The following DDX27 variants were observed in gnomAD, a reference collection of about 807,000 sequenced individuals.
DDX27 encodes the protein DEAD-box helicase 27, also known as probable ATP-dependent RNA helicase DDX27.
A neutral mutation model predicts 99.3 loss-of-function variants in DDX27; 42 were observed. The ratio of observed to expected loss-of-function variants is 0.42; its 90% confidence interval spans 0.33 to 0.55. The LOEUF is 0.55. DDX27 is among the 20% of genes least tolerant of loss of function. The pLI is 0.07. For synonymous variants in DDX27, 329 were observed against 353.8 expected (o/e 0.93, Z 0.79); for missense variants, 798 against 976.8 (o/e 0.82, Z 2.44).
At chr20:49,242,038 A>G in intron 17 of DDX27, 45 bp from the exon 18 acceptor site, 1 of 1,613,638 alleles carries the variant, frequency 6.2e-7, no homozygotes, top group South Asian at 1.1e-5. Flanking sequence ...GGTGGGTCAG[A>G]GTGGCCTGGT....
At chr20:49,219,613 C>A in intron 1 of DDX27, 72 bp downstream of exon 1, 2 of 1,455,542 alleles carry the variant, frequency 1.4e-6, no homozygotes, top group Non-Finnish European at 1.8e-6. Flanking sequence ...GGTCCCTGTC[C>A]CCGAATCCTC....
At chr20:49,234,803 G>T in intron 11 of DDX27, 132 bp from the exon 12 acceptor site, 1 of 1,081,230 alleles carries the variant, frequency 9.2e-7, no homozygotes, top group Non-Finnish European at 1.2e-6. Flanking sequence ...TGGAATTTGA[G>T]TTCCACAGGA....
chr20:49,225,070 C>T, intron 5 of DDX27, 43 bp from the exon 6 acceptor site: 1 of 1,612,472 alleles, frequency 6.2e-7, no homozygotes, highest in East Asian at 2.2e-5. Flanking sequence ...TTTCTTGGCT[C>T]TTTTTGTTGA....
intron 12 of DDX27, 120 bp downstream of exon 12, chr20:49,235,208 T>C: frequency 4.1e-6 from 5 of 1,223,864 alleles, no homozygotes; most frequent in Non-Finnish European, 5.5e-6. Context: ...AGCATGATCT[T>C]GGCCTTGAAC....
chr20:49,229,011 C>A, intron 8 of DDX27, 123 bp downstream of exon 8: 3 of 744,010 alleles, frequency 4.0e-6, no homozygotes, highest in Non-Finnish European at 3.8e-6. Context: ...TTGATTGAAT[C>A]CACTTAAAAA....
chr20:49,225,587 C>G (rs568159246), intron 6 of DDX27, among the ~76,000 whole-genome samples: 1 of 152,028 alleles, frequency 6.6e-6, no homozygotes, highest in South Asian at 2.1e-4. Context: ...TCCCCAGCAG[C>G]TGGGACTACA....
At chr20:49,227,262 A>C (rs1343254615) in intron 7 of DDX27, among the ~76,000 whole-genome samples, 5 of 152,342 alleles carry the variant, frequency 3.3e-5, no homozygotes, top group African/African-American at 1.2e-4. Context: ...CGAATCCTTC[A>C]TCAATGGTGA....
intron 4 of DDX27, 121 bp downstream of exon 4, chr20:49,223,554 C>G: frequency 1.2e-6 from 1 of 800,268 alleles, no homozygotes; most frequent in Non-Finnish European, 1.8e-6. Context: ...CTGCCTACTA[C>G]ATTGAACTCC....
intron 16 of DDX27, 106 bp downstream of exon 16, chr20:49,239,444 C>T (rs575241906): frequency 1.7e-5 from 13 of 781,146 alleles, no homozygotes; most frequent in African/African-American, 8.7e-5. Flanking sequence ...CCCAACCTTT[C>T]GGCACCAAGG....
In DDX27 at chr20:49,229,650, C is replaced by CT. The variant is rs71186442; in HGVS notation, c.881-533dup. 3.2e-3 allele frequency among the ~76,000 whole-genome samples: 431 copies of CT among 134,336 alleles called. 18 individuals are homozygous for CT. The highest frequency in any genetic ancestry group is 0.016 in the South Asian group (66 of 4,224). The allele number at this position is 134,336 out of a possible 152,430, so 88.1% of individuals were successfully genotyped here. On this transcript the variant is annotated intron_variant, in intron 8 of 20. Transcript: ENST00000618172. ...AGTCCTTGAATGTTTCAGGCATTCT[C>CT]TTTTTTTTTTTTTTTTGAGAGGAAG... is the stretch of plus-strand genomic sequence containing the variant.
intron 6 of DDX27, 99 bp downstream of exon 6, chr20:49,225,298 T>C: frequency 9.9e-7 from 1 of 1,005,378 alleles, no homozygotes; most frequent in South Asian, 1.3e-5. Context: ...TCCTCTTGCC[T>C]CAACCTCCCA....
At chr20:49,241,478 C>CTT (rs1054923350) in intron 16 of DDX27, among the ~76,000 whole-genome samples, 2 of 141,856 alleles carry the variant, frequency 1.4e-5, no homozygotes. Flanking sequence ...CTTTTCTTTT[C>CTT]TTTTTTTTTT....
intron 4 of DDX27, among the ~76,000 whole-genome samples, chr20:49,223,911 C>T (rs1979782636): frequency 6.6e-6 from 1 of 152,096 alleles, no homozygotes; most frequent in South Asian, 2.1e-4. Context: ...TGTGGTCTCA[C>T]TCCATCCACA....
chr20:49,223,464 G>C (rs1979767326), intron 4 of DDX27, 31 bp downstream of exon 4: 1 of 1,583,170 alleles, frequency 6.3e-7, no homozygotes, highest in African/African-American at 1.4e-5. Flanking sequence ...GTCAGTAATG[G>C]GGACAGGAGA....
chr20:49,238,851 C>T (rs967317049), intron 14 of DDX27, 98 bp from the exon 15 acceptor site: 2 of 696,166 alleles, frequency 2.9e-6, no homozygotes, highest in South Asian at 1.7e-5. Context: ...CTCAAGCAAT[C>T]CTCCCACCTC....
intron 11 of DDX27, chr20:49,233,926 C>A: frequency 1.9e-6 from 1 of 530,414 alleles, no homozygotes; most frequent in East Asian, 3.0e-5. Flanking sequence ...GTGTCCTGTT[C>A]AACTCCCAAC....
chr20:49,242,785 C>CT (rs1980524597), intron 19 of DDX27, 104 bp downstream of exon 19: 25 of 1,084,522 alleles, frequency 2.3e-5, no homozygotes, highest in Non-Finnish European at 1.3e-6. Flanking sequence ...TGCAGTGGTG[C>CT]ATCTTAGCTC....
intron 12 of DDX27, chr20:49,235,608 T>G (rs1415901723): frequency 6.4e-6 from 1 of 156,498 alleles, no homozygotes; most frequent in East Asian, 1.9e-4. Flanking sequence ...CTGAAAGGTG[T>G]TTGTTAAAGA....
At chr20:49,239,120 T>C in intron 15 of DDX27, 65 bp downstream of exon 15, 1 of 1,519,542 alleles carries the variant, frequency 6.6e-7, no homozygotes, top group Non-Finnish European at 9.1e-7. Flanking sequence ...GCATCCCTGC[T>C]GGTGCTGCCC....
Sources: allele counts gnomAD v4.1 joint callset (sites outside exome capture counted in the v4.1 genomes callset), GRCh38; gene constraint gnomAD v4.1.1; transcripts MANE v1.5; gene names NCBI Gene and HGNC (gene_info 2026-07-23, HGNC 2026-07-21).